Variants in PLCB1 observed in about 807,000 individuals in gnomAD.
PLCB1 encodes the protein phospholipase C beta 1.
In PLCB1, 46 loss-of-function variants were observed where a neutral mutation model predicts 161.8. The observed-to-expected ratio is 0.28, with a 90% CI of 0.22 to 0.36. The LOEUF (loss-of-function observed/expected upper bound fraction) is 0.36, where lower values mean the gene tolerates loss of function less well. Among genes scored for constraint, PLCB1 ranks in the 10% least tolerant of loss-of-function variants. PLCB1 has a pLI of 1.00. For synonymous variants in PLCB1, 517 were observed against 503.7 expected (o/e 1.03, Z -0.35); for missense variants, 1,016 against 1,472.5 (o/e 0.69, Z 5.07).
chr20:8,164,832 AC>A (rs2051659622), intron 2 of PLCB1, among the ~76,000 whole-genome samples: 1 of 152,206 alleles, frequency 6.6e-6, no homozygotes, highest in African/African-American at 2.4e-5. Context: ...CATTTGAGAT[AC>A]CAGATCAGTC....
chr20:8,376,727 G>C (rs911702892), intron 3 of PLCB1, among the ~76,000 whole-genome samples: 2 of 152,054 alleles, frequency 1.3e-5, no homozygotes, highest in South Asian at 2.1e-4. Context: ...AGGAGATCGA[G>C]ACCATCCTGG....
At chr20:8,465,804 C>G (rs913740673) in intron 3 of PLCB1, among the ~76,000 whole-genome samples, 2 of 150,854 alleles carry the variant, frequency 1.3e-5, no homozygotes, top group African/African-American at 4.9e-5. Context: ...GAATGGCAAT[C>G]ATTAAAAAGT....
chr20:8,862,291 C>T (rs1568628757), intron 31 of PLCB1, among the ~76,000 whole-genome samples: 1 of 152,216 alleles, frequency 6.6e-6, no homozygotes. Context: ...CCAGGACCAA[C>T]TGGCATTTTA....
chr20:8,170,450 T>C (rs1035386124), intron 2 of PLCB1, among the ~76,000 whole-genome samples: 2 of 152,102 alleles, frequency 1.3e-5, no homozygotes, highest in Admixed American at 1.3e-4. Context: ...GAAAATAATA[T>C]GATTTGCAGA....
At chr20:8,881,059 T>A in intron 31 of PLCB1, 1 of 160,292 alleles carries the variant, frequency 6.2e-6, no homozygotes, top group Admixed American at 6.0e-5. Context: ...AGGGATGGAG[T>A]TTCACCATGT....
At chr20:8,465,269 A>G (rs1314058140) in intron 3 of PLCB1, among the ~76,000 whole-genome samples, 2 of 152,194 alleles carry the variant, frequency 1.3e-5, no homozygotes, top group African/African-American at 4.8e-5. Context: ...GAAATCAACC[A>G]GTGGCCAATA....
At position 8,159,340 on chromosome 20, in the gene PLCB1, G is replaced by A. The variant is rs539915257; in HGVS notation, c.177+8969G>A. Among the ~76,000 whole-genome samples, 6 of 152,212 alleles carry A rather than the reference G, an allele frequency of 3.9e-5. No individual in the cohort carries two copies. In the East Asian group the frequency reaches 7.7e-4, roughly 20 times the overall value. On this transcript the variant is annotated intron_variant, in intron 2 of 31. Transcript: ENST00000338037. ...CTTTCAGACACAGCTAGAGTGGCAG[G>A]GATGTAGGGCACCAAGTCCCTAGGC...
At chr20:8,287,771 T>C (rs1388015478) in intron 2 of PLCB1, among the ~76,000 whole-genome samples, 1 of 152,170 alleles carries the variant, frequency 6.6e-6, no homozygotes, top group Admixed American at 6.6e-5. Context: ...TTTGCTGCAT[T>C]AACGCCTCCT....
At chr20:8,565,876 C>T (rs1322489430) in intron 3 of PLCB1, among the ~76,000 whole-genome samples, 1 of 152,020 alleles carries the variant, frequency 6.6e-6, no homozygotes, top group South Asian at 2.1e-4. Flanking sequence ...GGCAAATTTG[C>T]ATTTGGATGT....
At chr20:8,639,844 G>A (rs1361590271) in intron 4 of PLCB1, among the ~76,000 whole-genome samples, 2 of 151,366 alleles carry the variant, frequency 1.3e-5, no homozygotes, top group African/African-American at 4.9e-5. Context: ...GTCAGGAAGA[G>A]CCATTAAATA....
At position 8,336,282 on chromosome 20, in the gene PLCB1, G is replaced by A. The variant is rs560156973; in HGVS notation, c.178-35100G>A. 5.3e-5 allele frequency among the ~76,000 whole-genome samples: 8 copies of A among 152,240 alleles called. No homozygotes were observed. The East Asian group carries it at 7.7e-4, about 15-fold the overall frequency. ...TAAACCGAAACCTACACCTATATACGTACATGTTTTTAATTATGCGTATAT... is the reference window on the plus strand; with the variant it reads ...TAAACCGAAACCTACACCTATATACATACATGTTTTTAATTATGCGTATAT... On this transcript the variant is annotated intron_variant, in intron 2 of 31. Transcript: ENST00000338037.
intron 3 of PLCB1, among the ~76,000 whole-genome samples, chr20:8,514,753 T>C (rs1465244938): frequency 6.6e-6 from 1 of 152,214 alleles, no homozygotes; most frequent in East Asian, 1.9e-4. Context: ...TTTCATGATA[T>C]ATCTTGTATG....
chr20:8,823,324 T>C (rs1267842318), intron 31 of PLCB1, among the ~76,000 whole-genome samples: 1 of 152,168 alleles, frequency 6.6e-6, no homozygotes, highest in South Asian at 2.1e-4. Flanking sequence ...GGTTTCACCA[T>C]GTTGGCCAGG....
At chr20:8,389,073 A>G (rs1299382182) in intron 3 of PLCB1, among the ~76,000 whole-genome samples, 8 of 152,244 alleles carry the variant, frequency 5.3e-5, no homozygotes, top group South Asian at 2.1e-4. Flanking sequence ...TAAAGCTACT[A>G]TTAAAATGTA....
At chr20:8,729,508 C>T (rs758100390) in intron 18 of PLCB1, 10 of 165,122 alleles carry the variant, frequency 6.1e-5, no homozygotes, top group Non-Finnish European at 1.3e-4. Flanking sequence ...AGGAATGCTA[C>T]CAACTCAGAG....
Position 8,366,788 on chromosome 20 carries a change from C to T in PLCB1, c.178-4594C>T, listed in dbSNP as rs145529729. Among the ~76,000 whole-genome samples, 845 of 149,520 alleles carry T rather than the reference C, an allele frequency of 5.7e-3. 5 individuals carry two copies. Among genetic ancestry groups the T allele is most frequent in the Non-Finnish European group, 7.8e-3 (527 of 67,978 alleles). On this transcript the variant is annotated intron_variant, in intron 2 of 31. Transcript: ENST00000338037. The stretch of plus-strand genomic sequence containing the variant: ...TAGTACATGCCTCGTTTAATGATTC[C>T]GGTAGGTTCTTTTAGTACATGCCTC...
intron 3 of PLCB1, among the ~76,000 whole-genome samples, chr20:8,532,945 G>A (rs972246347): frequency 6.6e-6 from 1 of 151,798 alleles, no homozygotes; most frequent in African/African-American, 2.4e-5. Context: ...CATGTGCCAT[G>A]CTGGTGTGCT....
intron 2 of PLCB1, chr20:8,257,000 G>T (rs1028834305): frequency 6.6e-6 from 1 of 152,098 alleles, no homozygotes; most frequent in African/African-American, 2.4e-5. Flanking sequence ...TCCTAAAAGG[G>T]TATGGGTAAA....
intron 2 of PLCB1, among the ~76,000 whole-genome samples, chr20:8,259,350 G>T (rs547082503): frequency 3.8e-4 from 58 of 152,206 alleles, no homozygotes; most frequent in African/African-American, 1.4e-3. Context: ...GGCATGGTGG[G>T]TAGTGCCTCT....
Sources: allele counts gnomAD v4.1 joint callset (sites outside exome capture counted in the v4.1 genomes callset), GRCh38; gene constraint gnomAD v4.1.1; transcripts MANE v1.5; gene names NCBI Gene and HGNC (gene_info 2026-07-23, HGNC 2026-07-21).